SFXN5: variants seen among roughly 807,000 people sequenced by gnomAD.
SFXN5 encodes sideroflexin 5, also known as sideroflexin-5.
Under a neutral mutation model 50.2 loss-of-function variants are expected in SFXN5, and 43 were observed. That is an observed-to-expected ratio of 0.86 (90% CI 0.67 to 1.11). SFXN5 has a LOEUF of 1.11. SFXN5 is among the 50% of genes least tolerant of loss of function. SFXN5 has a pLI of 0.00. For synonymous variants in SFXN5, 203 were observed against 185.8 expected, an observed-to-expected ratio of 1.09 and a Z score of -0.75; for missense variants, 463 against 454.1, an observed-to-expected ratio of 1.02 and a Z score of -0.18.
At chr2:72,985,361 G>T (rs1671785447) in intron 10 of SFXN5, among the ~76,000 whole-genome samples, 1 of 152,114 alleles carries the variant, frequency 6.6e-6, no homozygotes, top group African/African-American at 2.4e-5. Context: ...CTCTGGCCAG[G>T]GGTACCTGGG....
intron 9 of SFXN5, among the ~76,000 whole-genome samples, chr2:72,995,344 G>T (rs1008886789): frequency 6.6e-6 from 1 of 152,240 alleles, no homozygotes; most frequent in Non-Finnish European, 1.5e-5. Flanking sequence ...TTATTCTCAA[G>T]CAAGCAGCCA....
intron 6 of SFXN5, among the ~76,000 whole-genome samples, chr2:73,013,912 C>T (rs1457941064): frequency 6.6e-6 from 1 of 152,040 alleles, no homozygotes; most frequent in African/African-American, 2.4e-5. Flanking sequence ...GCTTATTGTT[C>T]CCATGGATGT....
In SFXN5 at chr2:72,977,904, C is replaced by T. The variant is rs60362269; in HGVS notation, c.626-6219G>A. Among the ~76,000 whole-genome samples, 1,153 of 146,180 alleles carry T rather than the reference C, an allele frequency of 7.9e-3. 19 individuals carry two copies. Among genetic ancestry groups the T allele is most frequent in the African/African-American group, 0.028 (1,094 of 39,556 alleles). ...CAAGAGAATCACTTGAACCAGGAGGCGGAGACTGCAGTGAGCCAAGATTGC... is the reference window on the plus strand; with the variant it reads ...CAAGAGAATCACTTGAACCAGGAGGTGGAGACTGCAGTGAGCCAAGATTGC... On this transcript the variant is annotated intron_variant, in intron 10 of 13. Coordinates refer to ENST00000272433, the MANE Select transcript of SFXN5 (RefSeq NM_144579.3).
chr2:72,961,184 CTGCCAGGCACACGAGGCTT>C lies in SFXN5; in HGVS notation c.873_891del (p.Ser292ProfsTer24). 6.4e-7 allele frequency: 1 copy of C among 1,572,360 alleles called. No individual in the cohort carries two copies. The highest frequency in any genetic ancestry group is 1.7e-4 in the Middle Eastern group (1 of 5,882). On this transcript the variant is annotated frameshift_variant, in exon 13 of 14. Coordinates refer to ENST00000272433, the MANE Select transcript of SFXN5 (RefSeq NM_144579.3). LOFTEE classifies it high-confidence loss of function. This position sits in a 1 kb window ranked among gnomAD's most constrained non-coding sequence, Gnocchi z 4.4. ...GCCAGCGGCAGGGCCAGGCCGAAGG[CTGCCAGGCACACGAGGCTT>C]TGCACAGGGAGGAGCAGCCGGGGGC...
intron 1 of SFXN5, among the ~76,000 whole-genome samples, chr2:73,070,017 CTA>C (rs1042525496): frequency 1.3e-5 from 2 of 152,158 alleles, no homozygotes; most frequent in African/African-American, 4.8e-5. Context: ...GTATGGAGAG[CTA>C]TGAGGATCTG....
At chr2:73,029,358 A>G (rs1403936185) in intron 3 of SFXN5, among the ~76,000 whole-genome samples, 1 of 152,268 alleles carries the variant, frequency 6.6e-6, no homozygotes, top group Non-Finnish European at 1.5e-5. Context: ...ATATGCATAT[A>G]TAAAATATTT....
At chr2:73,059,498 C>T in intron 1 of SFXN5, 1 of 985,378 alleles carries the variant, frequency 1.0e-6, no homozygotes, top group Non-Finnish European at 1.2e-6. Flanking sequence ...TAGTAGGACA[C>T]CAGACCCTGC....
At chr2:73,053,243 T>G (rs902060780) in intron 2 of SFXN5, 1 of 154,092 alleles carries the variant, frequency 6.5e-6, no homozygotes, top group Non-Finnish European at 1.5e-5. Flanking sequence ...CCAGGCATAT[T>G]TTGCTGACAA....
At chr2:73,030,536 C>T (rs1678171146) in intron 3 of SFXN5, among the ~76,000 whole-genome samples, 1 of 152,174 alleles carries the variant, frequency 6.6e-6, no homozygotes. Context: ...TATTGATAGA[C>T]ATTTGGCATT....
intron 3 of SFXN5, among the ~76,000 whole-genome samples, chr2:73,039,969 C>T (rs1409220360): frequency 6.6e-6 from 1 of 151,948 alleles, no homozygotes; most frequent in East Asian, 1.9e-4. Flanking sequence ...CACCACCATG[C>T]CCGGCTGATT....
intron 6 of SFXN5, among the ~76,000 whole-genome samples, chr2:73,003,288 A>T (rs1237984142): frequency 5.3e-5 from 8 of 152,144 alleles, no homozygotes; most frequent in Non-Finnish European, 1.2e-4. Context: ...GAGTCTACTG[A>T]ACACGGTGTC....
intron 1 of SFXN5, chr2:73,071,264 G>A (rs1023953176): frequency 1.7e-4 from 51 of 292,360 alleles, no homozygotes; most frequent in Non-Finnish European, 3.0e-4. Flanking sequence ...TGCACAACCC[G>A]GAGCGACCCT....
chr2:72,951,913 GCA>G (rs1467548620), intron 13 of SFXN5, among the ~76,000 whole-genome samples: 3 of 152,232 alleles, frequency 2.0e-5, no homozygotes, highest in Admixed American at 1.3e-4. Context: ...TGTCCACTGG[GCA>G]CAACATCCCA....
intron 6 of SFXN5, among the ~76,000 whole-genome samples, chr2:73,014,784 T>C (rs1388008128): frequency 2.6e-5 from 4 of 152,244 alleles, no homozygotes; most frequent in Admixed American, 2.6e-4. Flanking sequence ...ACATCTTTTA[T>C]AAAAATCATA....
chr2:73,057,920 CTGTGA>C (rs1682350995), intron 2 of SFXN5, among the ~76,000 whole-genome samples: 1 of 152,164 alleles, frequency 6.6e-6, no homozygotes, highest in African/African-American at 2.4e-5. Flanking sequence ...CCATGAGGAA[CTGTGA>C]GACAATTAAA....
chr2:73,007,116 T>G (rs932384205), intron 6 of SFXN5, among the ~76,000 whole-genome samples: 2 of 152,112 alleles, frequency 1.3e-5, no homozygotes, highest in Non-Finnish European at 2.9e-5. Context: ...CATGAACAGC[T>G]GAAGATAAAG....
At chr2:73,005,689 C>T (rs974947100) in intron 6 of SFXN5, among the ~76,000 whole-genome samples, 1 of 152,194 alleles carries the variant, frequency 6.6e-6, no homozygotes, top group Non-Finnish European at 1.5e-5. Context: ...CGTCTCATCT[C>T]CATCTCGGGA....
intron 2 of SFXN5, among the ~76,000 whole-genome samples, chr2:73,050,392 G>GCGCACACACACACA (rs138589339): frequency 1.4e-5 from 2 of 146,508 alleles, no homozygotes; most frequent in East Asian, 2.0e-4. Flanking sequence ...CACAGCGCAC[G>GCGCACACACACACA]CACACACACA....
At chr2:73,022,698 C>T (rs1677057601) in intron 4 of SFXN5, 122 bp from the exon 5 acceptor site, 1 of 697,856 alleles carries the variant, frequency 1.4e-6, no homozygotes, top group Non-Finnish European at 2.6e-6. Flanking sequence ...AAGAAGACAA[C>T]TTCTCTGGGA....
Sources: allele counts gnomAD v4.1 joint callset (sites outside exome capture counted in the v4.1 genomes callset), GRCh38; gene constraint gnomAD v4.1.1; non-coding constraint Gnocchi (gnomAD v3.1); transcripts MANE v1.5; gene names NCBI Gene and HGNC (gene_info 2026-07-23, HGNC 2026-07-21).